The following TTLL5 variants were observed in gnomAD, a reference collection of about 807,000 sequenced individuals.
TTLL5 encodes the protein tubulin polyglutamylase TTLL5.
Under a neutral mutation model 168.4 loss-of-function variants are expected in TTLL5, and 132 were observed. The observed-to-expected ratio is 0.78, with a 90% CI of 0.68 to 0.91. TTLL5 has a LOEUF of 0.91. Ranked by LOEUF, TTLL5 falls within the 40% of genes least tolerant of loss-of-function variation. The probability of loss-of-function intolerance (pLI) is 0.00; values close to 1 mark genes in which losing one functional copy is unlikely to be tolerated. For missense variants in TTLL5, 1,545 were observed against 1,581.5 expected (o/e 0.98, Z 0.39); for synonymous variants, 546 against 558.6 (o/e 0.98, Z 0.32).
At chr14:75,807,080 T>C (rs186852057) in intron 27 of TTLL5, among the ~76,000 whole-genome samples, 3 of 152,334 alleles carry the variant, frequency 2.0e-5, no homozygotes, top group African/African-American at 7.2e-5. Flanking sequence ...GCCTTTCACT[T>C]GGCAGTCATC....
At chr14:75,691,206 C>G (rs1253851163) in intron 6 of TTLL5, among the ~76,000 whole-genome samples, 1 of 152,186 alleles carries the variant, frequency 6.6e-6, no homozygotes, top group Non-Finnish European at 1.5e-5. Flanking sequence ...CACAGAAACA[C>G]ATGGCCTGGA....
chr14:75,734,407 G>C (rs1010566165), intron 14 of TTLL5, among the ~76,000 whole-genome samples: 3 of 152,158 alleles, frequency 2.0e-5, no homozygotes, highest in Non-Finnish European at 4.4e-5. Flanking sequence ...AGTCTCTACT[G>C]GTCTCAACGT....
In TTLL5 at chr14:75,917,863, C is replaced by G. The variant is rs568000441; in HGVS notation, c.3823+15639C>G. 2.0e-5 allele frequency among the ~76,000 whole-genome samples: 3 copies of G among 152,280 alleles called. No individual in the cohort carries two copies. In the South Asian group the frequency reaches 6.2e-4, roughly 32 times the overall value. ...ATCACCCCTGGATTAGTTAAGAGAG[C>G]ATTCCCTGCAGGTAACAGAAACTCC... On this transcript the variant is annotated intron_variant, in intron 31 of 31. Coordinates refer to ENST00000298832, the MANE Select transcript of TTLL5 (RefSeq NM_015072.5).
In TTLL5 at chr14:75,820,227, A is replaced by G. The variant is rs919676199; in HGVS notation, c.3326+66A>G. The G allele has an allele frequency of 8.9e-6, 13 of 1,458,130 alleles. No homozygotes were observed. In the African/African-American group the frequency reaches 1.6e-4, roughly 18 times the overall value. 90.3% of individuals were successfully genotyped at this position (1,458,130 alleles called of 1,614,324 possible). ...GGATGGCCTGTGTCCCAAGCAAGCC[A>G]TTCCCACCTTGAGTTCTGTATGGAG... On this transcript the variant is annotated intron_variant, in intron 28 of 31. Transcript: ENST00000298832.
chr14:75,885,128 T>A (rs1339451635), intron 30 of TTLL5, among the ~76,000 whole-genome samples: 4 of 150,408 alleles, frequency 2.7e-5, no homozygotes, highest in African/African-American at 9.8e-5. Flanking sequence ...TAAGCTGAGA[T>A]CACACCACTG....
intron 1 of TTLL5, 128 bp from the exon 2 acceptor site, chr14:75,662,927 C>T (rs1004339345): frequency 6.3e-6 from 4 of 635,012 alleles, no homozygotes; most frequent in Non-Finnish European, 8.5e-6. Context: ...GGAAAGTAAA[C>T]TTCTAGAGGT....
chr14:75,678,730 A>G lies in TTLL5; in HGVS notation c.182-2815A>G, dbSNP rs1290444528. 3.3e-5 allele frequency among the ~76,000 whole-genome samples: 5 copies of G among 152,200 alleles called. No homozygotes were observed. The East Asian group carries it at 9.6e-4, about 29-fold the overall frequency. ...CAGGAATATTGCTTAGTGAAACTGT[A>G]TCCCCAGTGTATAACATTTGGGAGT... On this transcript the variant is annotated intron_variant, in intron 3 of 31. Transcript: ENST00000298832.
At chr14:75,901,226 A>C (rs889104865) in intron 30 of TTLL5, among the ~76,000 whole-genome samples, 1 of 152,224 alleles carries the variant, frequency 6.6e-6, no homozygotes, top group Non-Finnish European at 1.5e-5. Flanking sequence ...GAATAAGACC[A>C]ATACAATCTC....
chr14:75,730,461 GTA>G lies in TTLL5; in HGVS notation c.1043-1874_1043-1873del, dbSNP rs566584150. On this transcript the variant is annotated intron_variant, in intron 12 of 31. Transcript: ENST00000298832. The stretch of plus-strand genomic sequence containing the variant: ...GAAGGTGATCCCATCTCAAACTCTT[GTA>G]TAGTTTGTGATGATTTTTGCAAATT... Among the ~76,000 whole-genome samples the G allele has an allele frequency of 3.7e-4, 56 of 152,220 alleles. 1 individual carries two copies. In the South Asian group the frequency reaches 0.012, roughly 32 times the overall value.
At chr14:75,812,857 AGCTGGG>A (rs1239496485) in intron 27 of TTLL5, among the ~76,000 whole-genome samples, 6 of 152,060 alleles carry the variant, frequency 3.9e-5, no homozygotes, top group African/African-American at 9.7e-5. Context: ...GGTTCAGTGC[AGCTGGG>A]GCTGGGGCTG....
At chr14:75,819,581 C>T (rs2140413433) in intron 27 of TTLL5, among the ~76,000 whole-genome samples, 1 of 152,080 alleles carries the variant, frequency 6.6e-6, no homozygotes, top group East Asian at 1.9e-4. Flanking sequence ...CTTTCTAAAT[C>T]AGTGGATTCT....
intron 30 of TTLL5, among the ~76,000 whole-genome samples, chr14:75,883,307 C>G (rs1435728278): frequency 1.3e-5 from 2 of 152,230 alleles, no homozygotes; most frequent in African/African-American, 4.8e-5. Flanking sequence ...TTTTTAATAC[C>G]TTTTGTAGTC....
At chr14:75,669,711 T>C (rs913582760) in intron 3 of TTLL5, among the ~76,000 whole-genome samples, 189 bp downstream of exon 3, 8 of 152,214 alleles carry the variant, frequency 5.3e-5, no homozygotes, top group African/African-American at 1.9e-4. Flanking sequence ...TGATTTTTTT[T>C]CAAGAATATT....
chr14:75,814,144 AC>A (rs1389918874), intron 27 of TTLL5, among the ~76,000 whole-genome samples: 1 of 152,254 alleles, frequency 6.6e-6, no homozygotes, highest in Non-Finnish European at 1.5e-5. Context: ...ATTCCAAAAT[AC>A]AAAAAAATCT....
At chr14:75,704,985 A>C (rs1249214328) in intron 7 of TTLL5, among the ~76,000 whole-genome samples, 1 of 152,256 alleles carries the variant, frequency 6.6e-6, no homozygotes, top group Non-Finnish European at 1.5e-5. Context: ...TTGGGTGAGT[A>C]GATATTTATT....
At chr14:75,883,386 G>A (rs1018261904) in intron 30 of TTLL5, among the ~76,000 whole-genome samples, 6 of 152,210 alleles carry the variant, frequency 3.9e-5, no homozygotes, top group Non-Finnish European at 8.8e-5. Flanking sequence ...ATCCTTCACT[G>A]TATCTCCAGC....
intron 28 of TTLL5, among the ~76,000 whole-genome samples, chr14:75,826,811 C>CT (rs1385891901): frequency 5.3e-5 from 8 of 152,196 alleles, no homozygotes; most frequent in Non-Finnish European, 1.0e-4. Context: ...GAAACACAGT[C>CT]TTTCTTTCTG....
chr14:75,788,216 A>T (rs942940571), intron 26 of TTLL5, among the ~76,000 whole-genome samples: 1 of 152,176 alleles, frequency 6.6e-6, no homozygotes, highest in Admixed American at 6.5e-5. Context: ...CTGGCTTTAG[A>T]CATTATAAAA....
chr14:75,829,500 A>T (rs984906273), intron 28 of TTLL5, among the ~76,000 whole-genome samples: 1 of 152,184 alleles, frequency 6.6e-6, no homozygotes, highest in Non-Finnish European at 1.5e-5. Context: ...GAAGTGAATC[A>T]TCATAAAGGT....
Sources: gnomAD v4.1 joint callset for allele counts (sites outside exome capture counted in the v4.1 genomes callset) on GRCh38, gnomAD v4.1.1 for gene constraint, MANE v1.5 for transcripts, NCBI Gene and HGNC (gene_info 2026-07-23, HGNC 2026-07-21) for gene names.